Variants in HYAL4 observed in about 807,000 individuals in gnomAD.
HYAL4 encodes the protein hyaluronidase 4, also known as hyaluronidase-4.
A neutral mutation model predicts 35.2 loss-of-function variants in HYAL4; 37 were observed. The ratio of observed to expected loss-of-function variants is 1.05; its 90% CI spans 0.81 to 1.38. HYAL4 has a LOEUF of 1.38. Among genes scored for constraint, HYAL4 ranks in the 40% most tolerant of loss-of-function variants. HYAL4 has a pLI of 0.00. For missense variants in HYAL4, 572 were observed against 572.4 expected, an observed-to-expected ratio of 1.00 and a Z score of 0.01; for synonymous variants, 198 against 203.2, an observed-to-expected ratio of 0.97 and a Z score of 0.22.
chr7:123,787,130 AAAAG>A, the HYAL4 span, among the ~76,000 whole-genome samples: 4 of 149,140 alleles, frequency 2.7e-5, no homozygotes, highest in South Asian at 6.4e-4. Flanking sequence ...AAAAAAAAGA[AAAAG>A]AAAAAAAAAG....
At chr7:123,797,385 A>G in the HYAL4 span, among the ~76,000 whole-genome samples, 10 of 152,238 alleles carry the variant, frequency 6.6e-5, no homozygotes, top group African/African-American at 1.4e-4. Context: ...TGAACTAAGT[A>G]ACCTTTTAGT....
chr7:123,770,286 CAAA>C, the HYAL4 span, among the ~76,000 whole-genome samples: 1 of 151,788 alleles, frequency 6.6e-6, no homozygotes, highest in East Asian at 1.9e-4. Flanking sequence ...ACTAAAAATA[CAAA>C]AAGTTAGCTG....
chr7:123,860,782 G>A (rs1213758182), intron 2 of HYAL4, among the ~76,000 whole-genome samples: 3 of 152,156 alleles, frequency 2.0e-5, no homozygotes, highest in African/African-American at 7.2e-5. Flanking sequence ...AATTCAGATA[G>A]AAATTTCCAG....
chr7:123,830,678 T>C (rs1331312773), intron 1 of HYAL4, among the ~76,000 whole-genome samples: 1 of 152,224 alleles, frequency 6.6e-6, no homozygotes, highest in Non-Finnish European at 1.5e-5. Flanking sequence ...CAGTATGTTA[T>C]AATCAGTCTT....
At chr7:123,834,724 G>C (rs1432597461) in intron 1 of HYAL4, among the ~76,000 whole-genome samples, 3 of 152,122 alleles carry the variant, frequency 2.0e-5, no homozygotes, top group African/African-American at 4.8e-5. Flanking sequence ...GTTTGTCATA[G>C]ATAGCTTTTA....
At chr7:123,783,867 G>A in the HYAL4 span, among the ~76,000 whole-genome samples, 2 of 152,246 alleles carry the variant, frequency 1.3e-5, no homozygotes, top group African/African-American at 4.8e-5. Context: ...AATTTCACTG[G>A]CGTGTTAAAT....
At chr7:123,853,596 A>T (rs1412264455) in intron 2 of HYAL4, among the ~76,000 whole-genome samples, 1 of 152,174 alleles carries the variant, frequency 6.6e-6, no homozygotes, top group Non-Finnish European at 1.5e-5. Context: ...TGTGGTAGAT[A>T]GGCTTTTTGA....
chr7:123,856,711 C>T (rs1253123093), intron 2 of HYAL4, among the ~76,000 whole-genome samples: 2 of 152,200 alleles, frequency 1.3e-5, no homozygotes, highest in Non-Finnish European at 2.9e-5. Context: ...AGCTTGATCA[C>T]TGTGCTGGGA....
the HYAL4 span, among the ~76,000 whole-genome samples, chr7:123,779,523 A>G: frequency 6.6e-6 from 1 of 152,158 alleles, no homozygotes; most frequent in Non-Finnish European, 1.5e-5. Context: ...AAATAATATA[A>G]TGAAAATAAT....
At position 123,869,142 on chromosome 7, in the gene HYAL4, C is replaced by T; in HGVS notation, c.869C>T (p.Thr290Ile). 1 of 1,614,092 alleles carries T rather than the reference C, an allele frequency of 6.2e-7. No homozygotes were observed. Among genetic ancestry groups the T allele is most frequent in the East Asian group, 2.2e-5 (1 of 44,858 alleles). ...GTGCATGAATCCATGAGGATCTCCA[C>T]CATGACATCTCATGATTATGCTCTG... ...FRVHESMRISTMTSHDYALPV... is the reference protein window; with the variant it reads ...FRVHESMRISIMTSHDYALPV... Residue 290 changes from threonine to isoleucine, a missense_variant, in exon 3 of 5, where the codon ACC becomes ATC. By Grantham distance (89) the Thr-to-Ile change is moderately conservative. Transcript: ENST00000223026.
chr7:123,876,816 G>C lies in HYAL4; in HGVS notation c.1107G>C (p.Val369=). The C allele has an allele frequency of 6.2e-7, 1 of 1,614,144 alleles. No individual in the cohort carries two copies. Among genetic ancestry groups the C allele is most frequent in the Non-Finnish European group, 8.5e-7 (1 of 1,180,010 alleles). Reference sequence around the variant, plus strand: ...ATTTAGGGAGCTACATAGCCAATGTGACCAGAGCTGCTGAGGTATGCAGCC... The same window carrying C: ...ATTTAGGGAGCTACATAGCCAATGTCACCAGAGCTGCTGAGGTATGCAGCC... ...SSDLGSYIAN[V]TRAAEVCSLH... Residue 369 remains valine, a synonymous_variant, in exon 5 of 5, where the codon GTG becomes GTC. Transcript: ENST00000223026.
chr7:123,831,773 G>A (rs1467931272), intron 1 of HYAL4, among the ~76,000 whole-genome samples: 1 of 152,124 alleles, frequency 6.6e-6, no homozygotes, highest in African/African-American at 2.4e-5. Flanking sequence ...TTATTTCATT[G>A]AATGAAAGGA....
At chr7:123,802,673 C>G in the HYAL4 span, among the ~76,000 whole-genome samples, 2 of 151,750 alleles carry the variant, frequency 1.3e-5, no homozygotes, top group Non-Finnish European at 2.9e-5. Flanking sequence ...CCCTATAGAT[C>G]TTTTTATGGC....
chr7:123,830,241 A>C (rs1036446074), intron 1 of HYAL4, among the ~76,000 whole-genome samples: 2 of 152,236 alleles, frequency 1.3e-5, no homozygotes, highest in Admixed American at 1.3e-4. Flanking sequence ...AGTATCATCA[A>C]TTATGTCTTA....
At chr7:123,823,740 TATATAC>T in the HYAL4 span, among the ~76,000 whole-genome samples, 571 of 143,778 alleles carry the variant, frequency 4.0e-3, 5 homozygotes, top group African/African-American at 0.014. Context: ...TATATATATA[TATATAC>T]ACACACACAC....
At chr7:123,770,865 T>C in the HYAL4 span, among the ~76,000 whole-genome samples, 5 of 152,074 alleles carry the variant, frequency 3.3e-5, no homozygotes, top group South Asian at 4.1e-4. Context: ...GAAGCAATTA[T>C]AGTCCGTGAA....
chr7:123,782,515 T>C, the HYAL4 span, among the ~76,000 whole-genome samples: 1 of 151,924 alleles, frequency 6.6e-6, no homozygotes, highest in African/African-American at 2.4e-5. Context: ...TTTTTCAAAG[T>C]GTATTTAAAA....
the HYAL4 span, among the ~76,000 whole-genome samples, chr7:123,776,937 T>C: frequency 6.6e-6 from 1 of 152,314 alleles, no homozygotes; most frequent in South Asian, 2.1e-4. Context: ...GATTGATTGA[T>C]TGTGACTACA....
chr7:123,856,970 G>C (rs916318541), intron 2 of HYAL4, among the ~76,000 whole-genome samples: 3 of 152,158 alleles, frequency 2.0e-5, no homozygotes, highest in Non-Finnish European at 4.4e-5. Flanking sequence ...CTTCCCAGTG[G>C]CTTTGTTTAC....
Sources: allele counts gnomAD v4.1 joint callset (sites outside exome capture counted in the v4.1 genomes callset), GRCh38; gene constraint gnomAD v4.1.1; transcripts MANE v1.5; gene names NCBI Gene and HGNC (gene_info 2026-07-23, HGNC 2026-07-21).